ZNF518B: variants seen among roughly 807,000 people sequenced by gnomAD.
ZNF518B encodes the protein zinc finger protein 518B.
A neutral mutation model predicts 56.3 loss-of-function variants in ZNF518B; 23 were observed. The observed-to-expected ratio is 0.41, with a 90% confidence interval of 0.29 to 0.58. The LOEUF (loss-of-function observed/expected upper bound fraction) is 0.58. Ranked by LOEUF, ZNF518B falls within the 20% of genes least tolerant of loss-of-function variation. ZNF518B has a pLI of 0.32. For synonymous variants in ZNF518B, 529 were observed against 465.9 expected (o/e 1.14, Z -1.74); for missense variants, 1,460 against 1,272.1 (o/e 1.15, Z -2.25).
At chr4:10,458,020 A>T (rs1715623225), upstream of ZNF518B, among the ~76,000 whole-genome samples, 2 of 152,234 alleles carry the variant, frequency 1.3e-5, no homozygotes, top group East Asian at 3.9e-4. Flanking sequence ...GTCAGAGGGG[A>T]CAATGACTGT....
At chr4:10,447,893 C>T (rs1452134067) in intron 2 of ZNF518B, among the ~76,000 whole-genome samples, 2 of 152,146 alleles carry the variant, frequency 1.3e-5, no homozygotes, top group East Asian at 3.8e-4. Context: ...AGGTGATCTG[C>T]CTGCCTCAGC....
intron 2 of ZNF518B, chr4:10,450,855 G>A (rs112785578): frequency 1.3e-5 from 2 of 152,306 alleles, no homozygotes; most frequent in African/African-American, 4.8e-5. Context: ...GCTTAGGAAA[G>A]GTCTCGAAAA....
In ZNF518B at chr4:10,444,928, A is replaced by T. The variant is rs1560170082; in HGVS notation, c.1401T>A (p.Asn467Lys). The T allele has an allele frequency of 1.3e-5, 21 of 1,610,640 alleles. No homozygotes were observed. Among genetic ancestry groups the T allele is most frequent in the South Asian group, 2.2e-5 (2 of 90,644 alleles). The change falls in exon 3 of 3, where the codon AAT (asparagine) becomes AAA (lysine). Residue 467 changes from asparagine (N) to lysine (K), a missense_variant. Transcript: ENST00000326756. ...AAGCAGTTCTATGTGGATACAAATT[A>T]TTTTTTTTCTGAAAATCCTCAATTG... ...SETIEDFQKK[N>K]NLYPHRTAFP...
intron 2 of ZNF518B, chr4:10,451,657 C>G (rs1715316739): frequency 6.6e-6 from 1 of 152,256 alleles, no homozygotes; most frequent in East Asian, 1.9e-4. Flanking sequence ...TGCCCTGAAT[C>G]TCACTTTATA....
upstream of ZNF518B, among the ~76,000 whole-genome samples, chr4:10,459,081 G>A (rs975649419): frequency 2.6e-5 from 4 of 152,184 alleles, no homozygotes; most frequent in Non-Finnish European, 5.9e-5. Flanking sequence ...GAGCCTGTCT[G>A]AACCTCAGTT....
intron 2 of ZNF518B, chr4:10,454,126 C>T (rs977194152): frequency 6.6e-6 from 1 of 152,180 alleles, no homozygotes; most frequent in African/African-American, 2.4e-5. Flanking sequence ...ATAGTAATAT[C>T]GACATCCTTG....
In ZNF518B at chr4:10,444,129, T is replaced by C. The variant is rs1340671952; in HGVS notation, c.2200A>G (p.Thr734Ala). ...TGATGAGTAAGCTGTCTATTACCAG[T>C]AATACCACCATCATTCGGAGGTTTC... is the stretch of plus-strand genomic sequence containing the variant. ...LQKPPNDGGI[T>A]GNRQLTHQQI... Residue 734 changes from threonine to alanine, a missense_variant, in exon 3 of 3, where the codon ACT becomes GCT. Coordinates refer to ENST00000326756, the MANE Select transcript of ZNF518B (RefSeq NM_053042.3). 6.2e-7 allele frequency: 1 copy of C among 1,614,096 alleles called. No homozygotes were observed. The highest frequency in any genetic ancestry group is 1.3e-5 in the African/African-American group (1 of 74,936).
rs1235961541 is a variant in ZNF518B, at chr4:10,446,290, C to T, written c.39G>A (p.Leu13=). 1.9e-6 allele frequency: 3 copies of T among 1,614,222 alleles called. No individual in the cohort carries two copies. The highest frequency in any genetic ancestry group is 2.5e-6 in the Non-Finnish European group (3 of 1,180,046). Residue 13 remains leucine (L), a synonymous_variant, in exon 3 of 3, where the codon TTG becomes TTA. Transcript: ENST00000326756. ...TGGTCAAGGAATTATGTCCGCCGTT[C>T]AAGTGTGTAGTGTATAGCTGCTGTC... is the stretch of plus-strand genomic sequence containing the variant. ...DIGQQLYTTH[L]NGGHNSLTMS... is the part of the protein sequence containing the mutation.
chr4:10,449,905 C>A, intron 2 of ZNF518B, among the ~76,000 whole-genome samples: 1 of 152,198 alleles, frequency 6.6e-6, no homozygotes, highest in East Asian at 1.9e-4. Flanking sequence ...CAGGAGTCTT[C>A]AAAAATCCCA....
upstream of ZNF518B, among the ~76,000 whole-genome samples, chr4:10,457,608 G>T (rs1448722599): frequency 6.6e-6 from 1 of 152,250 alleles, no homozygotes; most frequent in Non-Finnish European, 1.5e-5. Flanking sequence ...TCGCACCGTA[G>T]CGAGCGAGGT....
chr4:10,447,483 T>A (rs561477355), intron 2 of ZNF518B, among the ~76,000 whole-genome samples: 1 of 152,020 alleles, frequency 6.6e-6, no homozygotes, highest in East Asian at 1.9e-4. Flanking sequence ...GCAAGGAGAA[T>A]GGGGAACGGG....
upstream of ZNF518B, among the ~76,000 whole-genome samples, chr4:10,458,861 T>C (rs1361901673): frequency 2.0e-5 from 3 of 152,078 alleles, no homozygotes; most frequent in African/African-American, 7.3e-5. Flanking sequence ...AACTATTAAT[T>C]CTAAGTATTG....
rs781325144 is a variant in ZNF518B, at chr4:10,444,479, T to A, written c.1850A>T (p.Glu617Val). The A allele has an allele frequency of 4.3e-6, 7 of 1,614,040 alleles. No individual in the cohort carries two copies. In the Admixed American group the frequency reaches 5.0e-5, roughly 12 times the overall value. ...RSQQPGDKPL[E>V]LKNSERTNNT... is the part of the protein sequence containing the mutation. Reference sequence around the variant, plus strand: ...GTTAGTCCTTTCAGAATTCTTTAATTCCAAAGGCTTATCCCCAGGCTGTTG... The same window carrying A: ...GTTAGTCCTTTCAGAATTCTTTAATACCAAAGGCTTATCCCCAGGCTGTTG... Residue 617 changes from glutamate (E) to valine (V), a missense_variant, in exon 3 of 3, where the codon GAA becomes GTA. Transcript: ENST00000326756.
chr4:10,443,851 T>TAAA lies in ZNF518B; in HGVS notation c.2475_2477dup (p.Pro825_Leu826insPhe), dbSNP rs1714812694. Reference sequence around the variant, plus strand: ...TATCTATTGGCCCCCTTTCACTTCTTAAAGGCTGTAAGTCTGAGTCCGCCT... The same window carrying TAAA: ...TATCTATTGGCCCCCTTTCACTTCTTAAAAAAGGCTGTAAGTCTGAGTCCGCCT... On this transcript the variant is annotated inframe_insertion, in exon 3 of 3. Transcript: ENST00000326756. The TAAA allele has an allele frequency of 6.2e-7, 1 of 1,614,082 alleles. No individual in the cohort carries two copies. Among genetic ancestry groups the TAAA allele is most frequent in the African/African-American group, 1.3e-5 (1 of 74,944 alleles).
chr4:10,449,379 A>G (rs557335366), intron 2 of ZNF518B, among the ~76,000 whole-genome samples: 49 of 152,334 alleles, frequency 3.2e-4, no homozygotes, highest in Admixed American at 1.6e-3. Context: ...TTCTGAGAAT[A>G]TTTAAATCCT....
At chr4:10,449,816 A>C (rs1443220071) in intron 2 of ZNF518B, among the ~76,000 whole-genome samples, 2 of 152,244 alleles carry the variant, frequency 1.3e-5, no homozygotes, top group African/African-American at 4.8e-5. Flanking sequence ...TCATGTGACA[A>C]GATTCCTCTA....
intron 1 of ZNF518B, among the ~76,000 whole-genome samples, chr4:10,456,666 G>A (rs963528809): frequency 6.6e-6 from 1 of 152,194 alleles, no homozygotes; most frequent in Non-Finnish European, 1.5e-5. Context: ...GCGCTCGGAG[G>A]ACGAGGCCAG....
At chr4:10,456,147 T>C (rs147564855) in intron 1 of ZNF518B, among the ~76,000 whole-genome samples, 1 of 152,298 alleles carries the variant, frequency 6.6e-6, no homozygotes, top group African/African-American at 2.4e-5. Flanking sequence ...CATTAGAGTT[T>C]AGCTACGTAG....
At chr4:10,452,020 C>CA (rs1441086278) in intron 2 of ZNF518B, 6 of 152,192 alleles carry the variant, frequency 3.9e-5, no homozygotes, top group African/African-American at 1.4e-4. Flanking sequence ...CCAGCAAGCT[C>CA]AGTGTTAGTT....
Sources: allele counts gnomAD v4.1 joint callset (sites outside exome capture counted in the v4.1 genomes callset), GRCh38; gene constraint gnomAD v4.1.1; transcripts MANE v1.5; gene names NCBI Gene and HGNC (gene_info 2026-07-23, HGNC 2026-07-21).